PCSK4: variants seen among roughly 807,000 people sequenced by gnomAD.
The protein encoded by PCSK4 is testicular tissue protein Li 135.
In PCSK4, 64 loss-of-function variants were observed where a neutral mutation model predicts 80.3. The ratio of observed to expected loss-of-function variants is 0.80; its 90% CI spans 0.65 to 0.98. The LOEUF (loss-of-function observed/expected upper bound fraction) is 0.98, where lower values mean the gene tolerates loss of function less well. Among genes scored for constraint, PCSK4 ranks in the 50% least tolerant of loss-of-function variants. The probability of loss-of-function intolerance (pLI) is 0.00; values close to 1 mark genes in which losing one functional copy is unlikely to be tolerated. For missense variants in PCSK4, 1,213 were observed against 1,093.6 expected, an observed-to-expected ratio of 1.11 and a Z score of -1.54; for synonymous variants, 561 against 487.6, an observed-to-expected ratio of 1.15 and a Z score of -1.98.
intron 13 of PCSK4, 129 bp from the exon 14 acceptor site, chr19:1,482,604 A>T: frequency 8.6e-7 from 1 of 1,160,228 alleles, no homozygotes; most frequent in African/African-American, 1.5e-5. Context: ...CTCTCAGGGA[A>T]TTGCACACCT....
At chr19:1,483,179 G>C in intron 12 of PCSK4, 105 bp downstream of exon 12, 1 of 1,301,920 alleles carries the variant, frequency 7.7e-7, no homozygotes. Flanking sequence ...AGGCTGCCGT[G>C]TGACTCCTAT....
chr19:1,489,322 CAG>C (rs1353605471), intron 2 of PCSK4, among the ~76,000 whole-genome samples: 2 of 152,112 alleles, frequency 1.3e-5, no homozygotes, highest in African/African-American at 4.8e-5. Flanking sequence ...TCAGTAGAGA[CAG>C]GGTTTCACCG....
rs751589687 is a variant in PCSK4, at chr19:1,487,824, G to A, written c.554C>T (p.Pro185Leu). 12 of 1,570,964 alleles carry A rather than the reference G, an allele frequency of 7.6e-6. No homozygotes were observed. The highest frequency in any genetic ancestry group is 5.4e-5 in the African/African-American group (4 of 73,806). The stretch of plus-strand genomic sequence containing the variant: ...GGGGGTGTAGCGGGGCTGGGGGTCC[G>A]GGTCGTAGTCATTGAAGTCATAGCT... The change falls in exon 5 of 15, where the codon CCG (proline) becomes CTG (leucine). Residue 185 changes from proline (P) to leucine (L), a missense_variant. Physicochemically the swap from Pro to Leu is moderately conservative, Grantham distance 98. Coordinates refer to ENST00000300954, the Ensembl canonical transcript of PCSK4.
At chr19:1,488,209 C>A (rs758095496) in exon 3 of PCSK4, 1 of 1,613,456 alleles carries the variant, frequency 6.2e-7, no homozygotes, top group African/African-American at 1.3e-5. Flanking sequence ...GCTTGGAGAA[C>A]CAGGGGTCCG....
upstream of PCSK4, chr19:1,490,487 C>G (rs1249006028): frequency 3.8e-6 from 2 of 524,646 alleles, no homozygotes; most frequent in Non-Finnish European, 6.7e-6. Context: ...GCTACTCAGC[C>G]AGGAGGGGCG....
exon 5 of PCSK4, chr19:1,487,820 G>A (rs762781788): frequency 5.1e-6 from 8 of 1,573,238 alleles, no homozygotes; most frequent in East Asian, 4.5e-5. Context: ...GGGGCTGGGG[G>A]TCCGGGTCGT....
chr19:1,488,473 C>T (rs112199413), intron 2 of PCSK4, among the ~76,000 whole-genome samples, 193 bp from the exon 3 acceptor site: 6,393 of 152,174 alleles, frequency 0.042, 170 homozygotes, highest in Middle Eastern at 0.11. Flanking sequence ...CTTGGGCCCA[C>T]AGACGCGTCG....
chr19:1,489,586 T>C (rs1369253302), intron 2 of PCSK4: 103 of 864,344 alleles, frequency 1.2e-4, no homozygotes, highest in Non-Finnish European at 1.6e-4. Flanking sequence ...AGGTGCCCAC[T>C]GTGTACCAGG....
rs1041477114 is a variant in PCSK4 at position 1,484,274 on chromosome 19, G to A, written c.1069-147C>T. The A allele has an allele frequency of 3.7e-5, 21 of 563,942 alleles. No individual in the cohort carries two copies. The African/African-American group carries it at 3.8e-4, about 10-fold the overall frequency. 34.9% of individuals were successfully genotyped at this position (563,942 alleles called of 1,614,324 possible). Reference sequence around the variant, plus strand: ...AGGCTGAGGCGGGCGTGTTGTCTGAGGTCAGGAGTTCAAGACCAGCCTGGT... The same window carrying A: ...AGGCTGAGGCGGGCGTGTTGTCTGAAGTCAGGAGTTCAAGACCAGCCTGGT... On this transcript the variant is annotated intron_variant, in intron 8 of 14. Transcript: ENST00000300954.
At chr19:1,482,584 T>C (rs1041055648) in intron 13 of PCSK4, 109 bp from the exon 14 acceptor site, 11 of 1,353,254 alleles carry the variant, frequency 8.1e-6, no homozygotes, top group Non-Finnish European at 1.0e-5. Flanking sequence ...GGCCCTGGAC[T>C]GGTTCACATC....
chr19:1,483,730 C>T (rs753886216), exon 11 of PCSK4: 44 of 1,594,784 alleles, frequency 2.8e-5, no homozygotes, highest in South Asian at 2.2e-5. Context: ...CCACCAGCAG[C>T]CCGGCGTCCA....
chr19:1,486,211 A>G lies in PCSK4; in HGVS notation c.1068+642T>C, dbSNP rs542003134. Reference sequence around the variant, plus strand: ...AGGCTGGTCCTGAACTCTTGACCTCAGGTGATCCACCCACCTTGGTCTCCC... The same window carrying G: ...AGGCTGGTCCTGAACTCTTGACCTCGGGTGATCCACCCACCTTGGTCTCCC... On this transcript the variant is annotated intron_variant, in intron 8 of 14. Transcript: ENST00000300954. Among the ~76,000 whole-genome samples the G allele has an allele frequency of 3.3e-5, 5 of 151,932 alleles. No individual in the cohort carries two copies. The South Asian group carries it at 1.0e-3, about 32-fold the overall frequency.
chr19:1,483,502 C>T, intron 11 of PCSK4, 39 bp from the exon 12 acceptor site: 2 of 797,626 alleles, frequency 2.5e-6, no homozygotes, highest in Admixed American at 2.5e-5. Context: ...CTGCGGCCTG[C>T]TGGGGGGTGG....
intron 8 of PCSK4, 121 bp downstream of exon 8, chr19:1,486,732 T>TGG (rs2084637685): frequency 1.2e-6 from 1 of 846,364 alleles, no homozygotes; most frequent in South Asian, 1.6e-5. Flanking sequence ...GTGCTCGGCC[T>TGG]GGATTTGCAT....
chr19:1,481,903 C>T lies in PCSK4; in HGVS notation c.2124G>A (p.Ser708=), dbSNP rs758837639. 17 of 1,594,156 alleles carry T rather than the reference C, an allele frequency of 1.1e-5. No individual in the cohort carries two copies. In the Admixed American group the frequency reaches 2.4e-4, roughly 22 times the overall value. The change falls in exon 15 of 15, where the codon TCG becomes TCA. Residue 708 remains serine (S), a synonymous_variant. Coordinates refer to ENST00000300954, the Ensembl canonical transcript of PCSK4. ...CGGCCAGGAGGCTCAGCACCATGGC[C>T]GAGGCTGGGCAGCGGTGGTGGGGAC... is the stretch of plus-strand genomic sequence containing the variant.
chr19:1,483,957 G>C lies in PCSK4; in HGVS notation c.1170-16C>G. On this transcript the variant is annotated splice_polypyrimidine_tract_variant and intron_variant, in intron 9 of 14. Coordinates refer to ENST00000300954, the Ensembl canonical transcript of PCSK4. ...CAGGAACGGGCTGCGGGGGGCGGGG[G>C]CGGGGGCGGGTGAGCCGCCGGGCCG... 1 of 1,431,966 alleles carries C rather than the reference G, an allele frequency of 7.0e-7. No homozygotes were observed. Among genetic ancestry groups the C allele is most frequent in the Middle Eastern group, 2.5e-4 (1 of 4,068 alleles). 88.7% of individuals were successfully genotyped at this position (1,431,966 alleles called of 1,614,324 possible). A position where few individuals can be genotyped will look rare whatever the true frequency, so the allele number is the denominator to read the frequency against.
chr19:1,484,546 G>A (rs575033892), intron 8 of PCSK4, among the ~76,000 whole-genome samples: 26 of 148,612 alleles, frequency 1.7e-4, no homozygotes, highest in Admixed American at 1.1e-3. Flanking sequence ...GGCTGGGTGC[G>A]GTGGCTCACA....
rs1281547186 is a variant in PCSK4, at chr19:1,483,827, C to T, written c.1273+11G>A. 6.7e-7 allele frequency: 1 copy of T among 1,488,280 alleles called. No individual in the cohort carries two copies. 92.2% of individuals were successfully genotyped at this position (1,488,280 alleles called of 1,614,324 possible). On this transcript the variant is annotated intron_variant, in intron 10 of 14. Transcript: ENST00000300954. The stretch of plus-strand genomic sequence containing the variant: ...GCCCCGGGTCCCCGCCCCCGCCCGG[C>T]CCCGCCGCACCTTGGCGCCCCACGC...
rs1182120071 is a variant in PCSK4, at chr19:1,483,273, G to C, written c.1571+11C>G. ...CATGAGGCCGCCCCCTCTCCTCTGC[G>C]GGCCGCTCACCGTATGGCCACGAGT... is the stretch of plus-strand genomic sequence containing the variant. On this transcript the variant is annotated intron_variant, in intron 12 of 14. Coordinates refer to ENST00000300954, the Ensembl canonical transcript of PCSK4. 5 of 1,565,358 alleles carry C rather than the reference G, an allele frequency of 3.2e-6. No individual in the cohort carries two copies. Among genetic ancestry groups the C allele is most frequent in the South Asian group, 1.2e-5 (1 of 86,506 alleles).
Sources: allele counts gnomAD v4.1 joint callset (sites outside exome capture counted in the v4.1 genomes callset), GRCh38; gene constraint gnomAD v4.1.1; transcripts MANE v1.5; gene names NCBI Gene and HGNC (gene_info 2026-07-23, HGNC 2026-07-21).